The following LRRC4C variants were observed in gnomAD, a reference collection of about 807,000 sequenced individuals.
The protein encoded by LRRC4C is leucine-rich repeat-containing protein 4C.
Under a neutral mutation model 33.6 loss-of-function variants are expected in LRRC4C, and 5 were observed. The ratio of observed to expected loss-of-function variants is 0.15; its 90% CI spans 0.08 to 0.31. The LOEUF is 0.31. Among genes scored for constraint, LRRC4C ranks in the 10% least tolerant of loss-of-function variants. LRRC4C has a pLI of 1.00. For missense variants in LRRC4C, 560 were observed against 796.7 expected (o/e 0.70, Z 3.58); for synonymous variants, 329 against 302.0 (o/e 1.09, Z -0.93).
At position 41,151,062 on chromosome 11, in the gene LRRC4C, C is replaced by T. The variant is rs74338114; in HGVS notation, c.-495-217339G>A. On this transcript the variant is annotated intron_variant, in intron 1 of 6. Transcript: ENST00000528697. ...CACACACACACAGCAAATACAACTTCGCAGTTTTTTTTTCTGCAATCAGTA... is the reference window on the plus strand; with the variant it reads ...CACACACACACAGCAAATACAACTTTGCAGTTTTTTTTTCTGCAATCAGTA... 9.0e-3 allele frequency among the ~76,000 whole-genome samples: 1,374 copies of T among 151,940 alleles called. 57 individuals are homozygous for T. Among genetic ancestry groups the T allele is most frequent in the East Asian group, 0.084 (430 of 5,144 alleles).
At chr11:40,784,757 G>A (rs974210331) in intron 2 of LRRC4C, among the ~76,000 whole-genome samples, 1 of 152,146 alleles carries the variant, frequency 6.6e-6, no homozygotes, top group Non-Finnish European at 1.5e-5. Flanking sequence ...TAGGAAAGAC[G>A]AGAGTGTCAA....
chr11:41,366,178 CTAGATAGATAGATAGATAGACAGA>C (rs1387440882), intron 1 of LRRC4C, among the ~76,000 whole-genome samples: 5 of 142,338 alleles, frequency 3.5e-5, no homozygotes, highest in South Asian at 4.4e-4. Flanking sequence ...GTTTATATAT[CTAGATAGATAGATAGATAGACAGA>C]TAGATAGATA....
chr11:40,241,990 G>C (rs1209038274), intron 4 of LRRC4C: 2 of 152,092 alleles, frequency 1.3e-5, no homozygotes, highest in Non-Finnish European at 2.9e-5. Flanking sequence ...TTCTCCTAGA[G>C]AAATTTTTCA....
At chr11:41,151,560 A>G (rs1944000011) in intron 1 of LRRC4C, among the ~76,000 whole-genome samples, 1 of 152,196 alleles carries the variant, frequency 6.6e-6, no homozygotes, top group African/African-American at 2.4e-5. Flanking sequence ...ATTGATCTAC[A>G]TATTTCCTTT....
At chr11:40,597,261 A>C (rs184642739) in intron 3 of LRRC4C, among the ~76,000 whole-genome samples, 16 of 152,308 alleles carry the variant, frequency 1.1e-4, no homozygotes, top group African/African-American at 3.6e-4. Context: ...GCACCATATT[A>C]GTCAAGAAAT....
intron 3 of LRRC4C, among the ~76,000 whole-genome samples, chr11:40,399,718 A>T (rs573605715): frequency 2.6e-5 from 4 of 152,212 alleles, no homozygotes; most frequent in African/African-American, 9.6e-5. Flanking sequence ...CCACGACAAC[A>T]ACAACAACAA....
chr11:40,937,825 T>C (rs1957973802), intron 1 of LRRC4C, among the ~76,000 whole-genome samples: 7 of 151,576 alleles, frequency 4.6e-5, no homozygotes, highest in Admixed American at 4.6e-4. Flanking sequence ...TTGTTGTTGT[T>C]TGTTTGTTTG....
intron 3 of LRRC4C, chr11:40,351,741 A>G (rs1947398003): frequency 6.9e-6 from 1 of 144,344 alleles, no homozygotes; most frequent in African/African-American, 2.5e-5. Context: ...CAATCATTAT[A>G]TCCTCTTGCT....
intron 1 of LRRC4C, among the ~76,000 whole-genome samples, chr11:41,216,701 C>T (rs1433315926): frequency 2.6e-5 from 4 of 152,064 alleles, no homozygotes; most frequent in African/African-American, 7.2e-5. Flanking sequence ...AAAAATAAAT[C>T]CAGATTCTTC....
chr11:41,154,055 CCTGTCAATACTTTCAT>C (rs1944118345), intron 1 of LRRC4C, among the ~76,000 whole-genome samples: 1 of 152,070 alleles, frequency 6.6e-6, no homozygotes, highest in Admixed American at 6.6e-5. Context: ...ACGGTGTAGC[CCTGTCAATACTTTCAT>C]TTTGGACTTC....
chr11:41,060,422 A>G (rs995222526), intron 1 of LRRC4C, among the ~76,000 whole-genome samples: 7 of 152,072 alleles, frequency 4.6e-5, no homozygotes, highest in Non-Finnish European at 7.4e-5. Flanking sequence ...GAGGCTTGAA[A>G]CCTATGATCA....
chr11:40,522,181 G>A (rs1955844922), intron 3 of LRRC4C, among the ~76,000 whole-genome samples: 1 of 152,134 alleles, frequency 6.6e-6, no homozygotes. Flanking sequence ...ATGCCACCAT[G>A]CCTAGCTAAT....
chr11:40,725,202 T>G (rs530545883), intron 2 of LRRC4C, among the ~76,000 whole-genome samples: 12 of 152,296 alleles, frequency 7.9e-5, no homozygotes, highest in African/African-American at 2.9e-4. Flanking sequence ...AGTGAGACTC[T>G]GGCATTCTCC....
intron 3 of LRRC4C, among the ~76,000 whole-genome samples, chr11:40,496,781 C>A (rs1954483990): frequency 6.6e-6 from 1 of 152,104 alleles, no homozygotes; most frequent in Non-Finnish European, 1.5e-5. Flanking sequence ...CAGGTTAATC[C>A]AATCACCCTC....
chr11:40,654,806 T>A (rs1943011932), intron 2 of LRRC4C, among the ~76,000 whole-genome samples: 1 of 152,148 alleles, frequency 6.6e-6, no homozygotes, highest in African/African-American at 2.4e-5. Context: ...CACCTTGAAT[T>A]ATAATCCCCA....
intron 2 of LRRC4C, among the ~76,000 whole-genome samples, chr11:40,802,030 T>C (rs1348715747): frequency 6.6e-6 from 1 of 152,182 alleles, no homozygotes; most frequent in East Asian, 1.9e-4. Context: ...CCCAACATAT[T>C]CATTTTCCTC....
chr11:40,308,971 A>G (rs772038896), intron 4 of LRRC4C, among the ~76,000 whole-genome samples: 6 of 152,224 alleles, frequency 3.9e-5, no homozygotes, highest in Non-Finnish European at 7.3e-5. Flanking sequence ...ATGATCATAT[A>G]GGTATTCTCA....
chr11:40,140,002 T>A (rs970353342), intron 6 of LRRC4C, among the ~76,000 whole-genome samples: 1 of 152,162 alleles, frequency 6.6e-6, no homozygotes, highest in Non-Finnish European at 1.5e-5. Flanking sequence ...TAGACAAACA[T>A]GTAGTTTTCC....
At chr11:41,195,370 A>G (rs1946137357) in intron 1 of LRRC4C, among the ~76,000 whole-genome samples, 1 of 152,140 alleles carries the variant, frequency 6.6e-6, no homozygotes, top group South Asian at 2.1e-4. Context: ...ATTAGTCTGC[A>G]TAGATAAAGC....
Sources: allele counts gnomAD v4.1 joint callset (sites outside exome capture counted in the v4.1 genomes callset), GRCh38; gene constraint gnomAD v4.1.1; transcripts MANE v1.5; gene names NCBI Gene and HGNC (gene_info 2026-07-23, HGNC 2026-07-21).